Variants in NEXMIF observed in about 807,000 individuals in gnomAD.
NEXMIF encodes XLMR protein related to neurite extension.
A neutral mutation model predicts 62.1 loss-of-function variants in NEXMIF; 8 were observed. The ratio of observed to expected loss-of-function variants is 0.13; its 90% CI spans 0.08 to 0.23. The LOEUF is 0.23. NEXMIF is among the 10% of genes least tolerant of loss of function. NEXMIF has a pLI of 1.00. For synonymous variants in NEXMIF, 404 were observed against 416.6 expected (o/e 0.97, Z 0.37); for missense variants, 976 against 1,113.3 (o/e 0.88, Z 1.75).
chrX:74,810,997 T>C (rs2080358748), intron 1 of NEXMIF, among the ~76,000 whole-genome samples: 1 of 111,688 alleles, frequency 9.0e-6, no homozygotes, highest in African/African-American at 3.3e-5. Flanking sequence ...TTATCTCACT[T>C]AATATTTACA....
intron 1 of NEXMIF, among the ~76,000 whole-genome samples, chrX:74,857,961 A>T (rs192720490): frequency 8.9e-6 from 1 of 111,859 alleles, no homozygotes; most frequent in Admixed American, 9.4e-5. Context: ...TGGGAAGAAG[A>T]ACTGTGTCGC....
chrX:74,743,364 T>G lies in NEXMIF; in HGVS notation c.1193A>C (p.Lys398Thr). The G allele has an allele frequency of 8.3e-7, 1 of 1,211,662 alleles. No individual in the cohort carries two copies. The highest frequency in any genetic ancestry group is 2.2e-5 in the Admixed American group (1 of 46,006). The change falls in exon 3 of 4, where the codon AAA (lysine) becomes ACA (threonine). Residue 398 changes from lysine to threonine, a missense_variant. Transcript: ENST00000055682. ...CTTTTCTCCATTATCCTTTCCATCT[T>G]TCTTCTCTACACCTTTGTCTTCCTG... is the stretch of plus-strand genomic sequence containing the variant. ...EGQEDKGVEKKDGKDNGEKPA... is the reference protein window; with the variant it reads ...EGQEDKGVEKTDGKDNGEKPA...
intron 1 of NEXMIF, among the ~76,000 whole-genome samples, chrX:74,898,760 A>G (rs554004206): frequency 9.0e-6 from 1 of 111,658 alleles, no homozygotes; most frequent in African/African-American, 3.2e-5. Context: ...AAAGACTGTT[A>G]TAACTAATAA....
chrX:74,834,877 C>A (rs1463394229), intron 1 of NEXMIF, among the ~76,000 whole-genome samples: 1 of 111,569 alleles, frequency 9.0e-6, no homozygotes, highest in Non-Finnish European at 1.9e-5. Flanking sequence ...ATATTATCCC[C>A]CTGAATAAAA....
intron 1 of NEXMIF, among the ~76,000 whole-genome samples, chrX:74,848,785 G>A (rs2147492993): frequency 9.0e-6 from 1 of 111,714 alleles, no homozygotes; most frequent in South Asian, 3.8e-4. Flanking sequence ...GGTCCTTTGG[G>A]AGGTGATTAG....
At chrX:74,776,844 A>G (rs982790403) in intron 1 of NEXMIF, among the ~76,000 whole-genome samples, 1 of 111,258 alleles carries the variant, frequency 9.0e-6, no homozygotes, top group African/African-American at 3.3e-5. Flanking sequence ...GTTATACGTT[A>G]GACTTACTAG....
At chrX:74,838,076 G>A (rs1569352806) in intron 1 of NEXMIF, among the ~76,000 whole-genome samples, 1 of 111,477 alleles carries the variant, frequency 9.0e-6, no homozygotes, top group East Asian at 2.8e-4. Flanking sequence ...TACAAGCCCT[G>A]AACCTGAAGG....
At chrX:74,920,811 T>C (rs912218203) in intron 1 of NEXMIF, among the ~76,000 whole-genome samples, 38 of 111,702 alleles carry the variant, frequency 3.4e-4, no homozygotes, top group Non-Finnish European at 5.6e-4. Flanking sequence ...GACTTGGCAC[T>C]ACTTTAGCAC....
At chrX:74,769,539 A>G (rs1441613286) in intron 1 of NEXMIF, 4 of 377,306 alleles carry the variant, frequency 1.1e-5, no homozygotes, top group Non-Finnish European at 1.8e-5. Context: ...GTGCCACTTG[A>G]GCTCCGGAGC....
chrX:74,762,647 A>C (rs1489550773), intron 1 of NEXMIF, among the ~76,000 whole-genome samples: 3 of 111,488 alleles, frequency 2.7e-5, no homozygotes, highest in Admixed American at 9.5e-5. Context: ...CTTTTTAATG[A>C]TTGCCATTCT....
At chrX:74,881,020 C>T (rs2080660654) in intron 1 of NEXMIF, among the ~76,000 whole-genome samples, 1 of 111,652 alleles carries the variant, frequency 9.0e-6, no homozygotes, top group African/African-American at 3.3e-5. Context: ...ATCCTCAAAC[C>T]CCAAAAGCAC....
intron 1 of NEXMIF, among the ~76,000 whole-genome samples, chrX:74,762,511 T>C (rs1267682080): frequency 1.8e-5 from 2 of 111,693 alleles, no homozygotes; most frequent in African/African-American, 3.3e-5. Flanking sequence ...ATGGTATTTC[T>C]AGTTCTAGAT....
At chrX:74,771,698 C>T (rs778002732) in intron 1 of NEXMIF, among the ~76,000 whole-genome samples, 1 of 111,332 alleles carries the variant, frequency 9.0e-6, no homozygotes, top group East Asian at 2.8e-4. Context: ...CTATGTGATG[C>T]TGGATAAATC....
intron 1 of NEXMIF, among the ~76,000 whole-genome samples, chrX:74,923,628 C>G (rs2080833926): frequency 9.0e-6 from 1 of 111,721 alleles, no homozygotes; most frequent in African/African-American, 3.3e-5. Context: ...CACAAATGGT[C>G]GTAAGGAGTT....
At chrX:74,825,581 T>A (rs1462654107) in intron 1 of NEXMIF, among the ~76,000 whole-genome samples, 3 of 112,089 alleles carry the variant, frequency 2.7e-5, no homozygotes. Context: ...TTTGACAGAG[T>A]CTTGCTCTTG....
Position 74,922,846 on chromosome X carries a change from GA to G in NEXMIF, c.-48+2036del, listed in dbSNP as rs143075389. ...GTTAACCTTAAAAACTGTCTAAAAG[GA>G]AAAAAGCATGTGTTTTTGTATGAGT... On this transcript the variant is annotated intron_variant, in intron 1 of 3. Coordinates refer to ENST00000055682, the MANE Select transcript of NEXMIF (RefSeq NM_001008537.3). Among the ~76,000 whole-genome samples the G allele has an allele frequency of 3.6e-5, 4 of 111,608 alleles. No homozygotes were observed. In the South Asian group the frequency reaches 1.5e-3, roughly 42 times the overall value.
chrX:74,910,182 A>G (rs1236248508), intron 1 of NEXMIF, among the ~76,000 whole-genome samples: 1 of 112,214 alleles, frequency 8.9e-6, no homozygotes, highest in Non-Finnish European at 1.9e-5. Context: ...ATGTGCCAGG[A>G]AAATCCACAC....
chrX:74,884,477 A>G (rs765660594), intron 1 of NEXMIF, among the ~76,000 whole-genome samples: 10 of 111,698 alleles, frequency 9.0e-5, no homozygotes, highest in African/African-American at 3.3e-4. Context: ...GAAAACAAAA[A>G]AAGGCAGGGG....
chrX:74,878,831 C>T (rs1310706108), intron 1 of NEXMIF, among the ~76,000 whole-genome samples: 1 of 112,506 alleles, frequency 8.9e-6, no homozygotes, highest in Non-Finnish European at 1.9e-5. Flanking sequence ...TGAAGCAATG[C>T]CTTGCCCTGC....
Sources: gnomAD v4.1 joint callset for allele counts (sites outside exome capture counted in the v4.1 genomes callset) on GRCh38, gnomAD v4.1.1 for gene constraint, MANE v1.5 for transcripts, NCBI Gene and HGNC (gene_info 2026-07-23, HGNC 2026-07-21) for gene names.